ZNF655: variants seen among roughly 807,000 people sequenced by gnomAD.
ZNF655 encodes zinc finger protein 655.
ZNF655 carries 3 observed loss-of-function variants against 6.6 expected under a neutral mutation model. That is an observed-to-expected ratio of 0.46 (90% CI 0.21 to 1.18). ZNF655 has a LOEUF of 1.18. ZNF655 is among the 50% of genes most tolerant of loss of function. ZNF655 has a pLI of 0.24. For synonymous variants in ZNF655, 178 were observed against 195.0 expected (o/e 0.91, Z 0.73); for missense variants, 526 against 572.3 (o/e 0.92, Z 0.83).
intron 2 of ZNF655, among the ~76,000 whole-genome samples, chr7:99,566,772 G>A (rs1303501745): frequency 1.3e-5 from 2 of 152,132 alleles, no homozygotes; most frequent in Non-Finnish European, 2.9e-5. Flanking sequence ...TACCCAGGCT[G>A]TTGAACTCCT....
chr7:99,576,100 T>A lies in ZNF655; in HGVS notation c.*2516T>A, dbSNP rs930122350. ...GACCCTCAACAAATATATAAAAATA[T>A]GTTGCTCACTCTATAATCCTCCTAT... is the stretch of plus-strand genomic sequence containing the variant. On this transcript the variant is annotated 3_prime_UTR_variant, in exon 3 of 3. Coordinates refer to ENST00000252713, the MANE Select transcript of ZNF655 (RefSeq NM_138494.3). 1 of 152,248 alleles carries A rather than the reference T, an allele frequency of 6.6e-6. No individual in the cohort carries two copies. Among genetic ancestry groups the A allele is most frequent in the Non-Finnish European group, 1.5e-5 (1 of 68,038 alleles). The allele number at this position is 152,248 out of a possible 1,614,324, so 9.4% of individuals were successfully genotyped here. A position where few individuals can be genotyped will look rare whatever the true frequency, so the allele number is the denominator to read the frequency against.
chr7:99,572,726 T>C lies in ZNF655; in HGVS notation c.618T>C (p.Pro206=). The C allele has an allele frequency of 6.2e-7, 1 of 1,613,218 alleles. No homozygotes were observed. The highest frequency in any genetic ancestry group is 8.5e-7 in the Non-Finnish European group (1 of 1,179,936). ...LSHLNKWESI[P]NTEKSYKCDV... is the part of the protein sequence containing the mutation. ...ACCTTAATAAATGGGAGAGCATCCC[T>C]AACACTGAGAAATCCTATAAATGTG... The change falls in exon 3 of 3, where the codon CCT becomes CCC. Residue 206 remains proline, a synonymous_variant. Transcript: ENST00000252713.
At chr7:99,561,682 C>G (rs1803185856) in intron 2 of ZNF655, among the ~76,000 whole-genome samples, 1 of 152,170 alleles carries the variant, frequency 6.6e-6, no homozygotes, top group Admixed American at 6.5e-5. Context: ...TAAGAAAATC[C>G]TGTATCACAG....
intron 2 of ZNF655, chr7:99,571,830 T>A: frequency 6.9e-7 from 1 of 1,440,148 alleles, no homozygotes; most frequent in Middle Eastern, 2.4e-4. Context: ...AGTAGGGAAG[T>A]AAAGTTCAAT....
chr7:99,565,279 C>T (rs945348868), intron 2 of ZNF655, among the ~76,000 whole-genome samples: 13 of 152,166 alleles, frequency 8.5e-5, no homozygotes, highest in Non-Finnish European at 4.4e-5. Flanking sequence ...TGCCATTCTC[C>T]TGCCTCAGCC....
In ZNF655 at chr7:99,573,621, G is replaced by A. The variant is rs1014848669; in HGVS notation, c.*37G>A. ...ATGGGAAGATATTTATCAAATTCAG[G>A]CTTCATTCAGCATCTGAGAGTTCAC... On this transcript the variant is annotated 3_prime_UTR_variant, in exon 3 of 3. Coordinates refer to ENST00000252713, the MANE Select transcript of ZNF655 (RefSeq NM_138494.3). 3.8e-6 allele frequency: 6 copies of A among 1,569,162 alleles called. No homozygotes were observed. The highest frequency in any genetic ancestry group is 5.2e-6 in the Non-Finnish European group (6 of 1,164,858).
In ZNF655 at chr7:99,572,655, G is replaced by A. The variant is rs774684468; in HGVS notation, c.547G>A (p.Asp183Asn). ...GKHEHLNLTE[D>N]FQSSECKESL... ...ACATGAACACTTAAATCTAACAGAG[G>A]ATTTTCAGAGTAGTGAATGTAAGGA... The change falls in exon 3 of 3, where the codon GAT (aspartate) becomes AAT (asparagine). Residue 183 changes from aspartate (D) to asparagine (N), a missense_variant. By Grantham distance (23) the Asp-to-Asn change is conservative. Coordinates refer to ENST00000252713, the MANE Select transcript of ZNF655 (RefSeq NM_138494.3). The A allele has an allele frequency of 6.9e-5, 112 of 1,613,588 alleles. 3 individuals are homozygous for A. In the South Asian group the frequency reaches 1.0e-3, roughly 15 times the overall value.
chr7:99,576,234 G>T lies in ZNF655; in HGVS notation c.*2650G>T, dbSNP rs1041775219. The T allele has an allele frequency of 1.3e-5, 2 of 152,602 alleles. No homozygotes were observed. The highest frequency in any genetic ancestry group is 4.8e-5 in the African/African-American group (2 of 41,430). The allele number at this position is 152,602 out of a possible 1,614,324, so 9.5% of individuals were successfully genotyped here. A position where few individuals can be genotyped will look rare whatever the true frequency, so the allele number is the denominator to read the frequency against. ...ATCTAAATGAAATTGATATATAAATGAATTGATCTAAATGTAAAAGCAAAT... is the reference window on the plus strand; with the variant it reads ...ATCTAAATGAAATTGATATATAAATTAATTGATCTAAATGTAAAAGCAAAT... On this transcript the variant is annotated 3_prime_UTR_variant, in exon 3 of 3. Coordinates refer to ENST00000252713, the MANE Select transcript of ZNF655 (RefSeq NM_138494.3).
Position 99,574,958 on chromosome 7 carries a change from A to G in ZNF655, c.*1374A>G, listed in dbSNP as rs1804314487. ...GTGAAGCATCTTTTTTTAAAAAAGAATTTGATTGACAATATATCCAGTCCA... is the reference window on the plus strand; with the variant it reads ...GTGAAGCATCTTTTTTTAAAAAAGAGTTTGATTGACAATATATCCAGTCCA... On this transcript the variant is annotated 3_prime_UTR_variant, in exon 3 of 3. Coordinates refer to ENST00000252713, the MANE Select transcript of ZNF655 (RefSeq NM_138494.3). 6.6e-6 allele frequency: 1 copy of G among 152,362 alleles called. No individual in the cohort carries two copies. The highest frequency in any genetic ancestry group is 1.9e-4 in the East Asian group (1 of 5,204). 9.4% of individuals were successfully genotyped at this position (152,362 alleles called of 1,614,324 possible). A position where few individuals can be genotyped will look rare whatever the true frequency, so the allele number is the denominator to read the frequency against.
chr7:99,562,840 A>G lies in ZNF655; in HGVS notation c.136+2145A>G, dbSNP rs145882552. 2.6e-4 allele frequency among the ~76,000 whole-genome samples: 39 copies of G among 152,062 alleles called. No individual in the cohort carries two copies. In the East Asian group the frequency reaches 5.0e-3, roughly 20 times the overall value. On this transcript the variant is annotated intron_variant, in intron 2 of 2. Coordinates refer to ENST00000252713, the MANE Select transcript of ZNF655 (RefSeq NM_138494.3). ...GGAGAGACCCCAGGGTGGCCTCCCA[A>G]CCTCCAACCAGACACTTTCCTCTTT... is the stretch of plus-strand genomic sequence containing the variant.
At chr7:99,571,828 A>G (rs1318437034) in intron 2 of ZNF655, 5 of 1,456,044 alleles carry the variant, frequency 3.4e-6, no homozygotes, top group Non-Finnish European at 4.7e-6. Context: ...TTAGTAGGGA[A>G]GTAAAGTTCA....
chr7:99,571,364 G>A (rs932500065), intron 2 of ZNF655: 96 of 1,252,606 alleles, frequency 7.7e-5, no homozygotes, highest in Admixed American at 3.8e-4. Context: ...GATCTAATCC[G>A]AAGATTAATC....
chr7:99,572,158 C>T (rs1804135186), intron 2 of ZNF655, 87 bp from the exon 3 acceptor site: 1 of 1,384,484 alleles, frequency 7.2e-7, no homozygotes, highest in African/African-American at 1.4e-5. Flanking sequence ...GTAGATACTA[C>T]ATTGTTTAGT....
intron 2 of ZNF655, among the ~76,000 whole-genome samples, chr7:99,569,547 A>T (rs1464845142): frequency 1.3e-5 from 2 of 152,168 alleles, no homozygotes; most frequent in Non-Finnish European, 2.9e-5. Flanking sequence ...ATTACCAGTT[A>T]TTGTAACCTT....
chr7:99,567,526 C>T (rs769704737), intron 2 of ZNF655, among the ~76,000 whole-genome samples: 18 of 147,988 alleles, frequency 1.2e-4, no homozygotes, highest in Non-Finnish European at 1.0e-4. Context: ...AGTGCAACTC[C>T]GTCTCAAAAA....
intron 2 of ZNF655, chr7:99,562,305 A>G (rs1227975312): frequency 3.8e-6 from 6 of 1,597,048 alleles, no homozygotes; most frequent in East Asian, 4.5e-5. Context: ...TATGATCTTC[A>G]TTCTCTGGCC....
chr7:99,570,454 G>A (rs1803955972), intron 2 of ZNF655: 1 of 152,076 alleles, frequency 6.6e-6, no homozygotes, highest in African/African-American at 2.4e-5. Context: ...AATCTTTGGG[G>A]CAGCTGTCAG....
At chr7:99,562,234 T>A in intron 2 of ZNF655, 1 of 1,142,176 alleles carries the variant, frequency 8.8e-7, no homozygotes, top group South Asian at 1.6e-5. Flanking sequence ...TGGGCTTTAT[T>A]CCGTAGGTTC....
chr7:99,559,981 C>T (rs1244402823), intron 1 of ZNF655, among the ~76,000 whole-genome samples: 1 of 151,544 alleles, frequency 6.6e-6, no homozygotes, highest in Non-Finnish European at 1.5e-5. Context: ...TAAATTGTAC[C>T]GTGTTAATTT....
Sources: gnomAD v4.1 joint callset for allele counts (sites outside exome capture counted in the v4.1 genomes callset) on GRCh38, gnomAD v4.1.1 for gene constraint, MANE v1.5 for transcripts, NCBI Gene and HGNC (gene_info 2026-07-23, HGNC 2026-07-21) for gene names.